Variants in PTPRN2 observed in about 807,000 individuals in gnomAD.
The protein encoded by PTPRN2 is receptor-type tyrosine-protein phosphatase N2.
Under a neutral mutation model 118.8 loss-of-function variants are expected in PTPRN2, and 74 were observed. The ratio of observed to expected loss-of-function variants is 0.62; its 90% CI spans 0.52 to 0.76. The LOEUF (loss-of-function observed/expected upper bound fraction) is 0.76, where lower values mean the gene tolerates loss of function less well. PTPRN2 is among the 30% of genes least tolerant of loss of function. The probability of loss-of-function intolerance (pLI) is 0.00; values close to 1 mark genes in which losing one functional copy is unlikely to be tolerated. For missense variants in PTPRN2, 1,481 were observed against 1,394.4 expected, an observed-to-expected ratio of 1.06 and a Z score of -0.99; for synonymous variants, 641 against 608.0, an observed-to-expected ratio of 1.05 and a Z score of -0.80.
intron 9 of PTPRN2, among the ~76,000 whole-genome samples, chr7:158,112,890 A>C (rs543693012): frequency 2.0e-5 from 3 of 152,232 alleles, no homozygotes; most frequent in African/African-American, 4.8e-5. Context: ...GGGGCAGTGC[A>C]TCATGAATGC....
At chr7:158,393,114 G>A (rs996807057) in intron 2 of PTPRN2, among the ~76,000 whole-genome samples, 7 of 152,110 alleles carry the variant, frequency 4.6e-5, no homozygotes, top group Non-Finnish European at 1.0e-4. Context: ...GGTCTTACTC[G>A]ATGTTGGCTG....
intron 12 of PTPRN2, among the ~76,000 whole-genome samples, chr7:157,697,905 A>G (rs1257860522): frequency 1.1e-4 from 16 of 141,432 alleles, no homozygotes; most frequent in African/African-American, 3.4e-4. Flanking sequence ...AGCCCTCACC[A>G]TCTACTCATG....
In PTPRN2 at chr7:157,559,314, G is replaced by A. The variant is rs912320820; in HGVS notation, c.2902+9588C>T. Among the ~76,000 whole-genome samples the A allele has an allele frequency of 3.9e-5, 6 of 152,184 alleles. No homozygotes were observed. In the East Asian group the frequency reaches 7.7e-4, roughly 20 times the overall value. On this transcript the variant is annotated intron_variant, in intron 21 of 22. Transcript: ENST00000389418. Reference sequence around the variant, plus strand: ...TCTGGACGGAGGATGTTGGGCCTGCGGGCTGGGCAGGGATGATGCTCTGGG... The same window carrying A: ...TCTGGACGGAGGATGTTGGGCCTGCAGGCTGGGCAGGGATGATGCTCTGGG...
intron 6 of PTPRN2, among the ~76,000 whole-genome samples, chr7:158,164,931 G>C (rs1217233028): frequency 6.6e-6 from 1 of 152,150 alleles, no homozygotes; most frequent in Admixed American, 6.5e-5. Context: ...AGCTGGAGGA[G>C]AACAGGAAGC....
chr7:157,898,548 C>T, intron 12 of PTPRN2, 125 bp downstream of exon 12: 2 of 979,298 alleles, frequency 2.0e-6, no homozygotes. Flanking sequence ...GCCCACTGGT[C>T]CTCCCAGGAA....
chr7:158,117,843 G>A (rs1158304508), intron 9 of PTPRN2, among the ~76,000 whole-genome samples: 4 of 151,814 alleles, frequency 2.6e-5, no homozygotes, highest in Non-Finnish European at 5.9e-5. Flanking sequence ...CAAAAGTGAA[G>A]AAGAAATTAA....
chr7:158,275,301 C>G (rs1798886420), intron 3 of PTPRN2, among the ~76,000 whole-genome samples: 1 of 152,148 alleles, frequency 6.6e-6, no homozygotes, highest in Non-Finnish European at 1.5e-5. Flanking sequence ...AGCTGCAGGG[C>G]TGTCTCCATG....
chr7:158,282,585 C>T (rs1373721341), intron 3 of PTPRN2, among the ~76,000 whole-genome samples: 1 of 152,264 alleles, frequency 6.6e-6, no homozygotes, highest in Non-Finnish European at 1.5e-5. Flanking sequence ...GGAGACAGCA[C>T]TGCTGAAGTG....
chr7:158,259,401 C>T (rs1210512303), intron 3 of PTPRN2, among the ~76,000 whole-genome samples: 1 of 152,174 alleles, frequency 6.6e-6, no homozygotes, highest in Non-Finnish European at 1.5e-5. Context: ...TCACAACCCG[C>T]AGCTGCTGCT....
intron 12 of PTPRN2, among the ~76,000 whole-genome samples, chr7:157,788,520 A>G (rs1027750001): frequency 6.6e-6 from 1 of 152,176 alleles, no homozygotes; most frequent in African/African-American, 2.4e-5. Flanking sequence ...ACAGGCCTCC[A>G]CGGGGCTGGA....
intron 2 of PTPRN2, among the ~76,000 whole-genome samples, chr7:158,459,333 C>G (rs970591409): frequency 1.5e-5 from 2 of 131,700 alleles, no homozygotes; most frequent in African/African-American, 5.3e-5. Flanking sequence ...GAGCACCCGC[C>G]TGGGACGAAC....
chr7:158,285,005 G>T (rs1451921512), intron 3 of PTPRN2, among the ~76,000 whole-genome samples: 1 of 152,164 alleles, frequency 6.6e-6, no homozygotes, highest in East Asian at 1.9e-4. Flanking sequence ...GTACAAAAAG[G>T]ATGACAGGAA....
At chr7:158,143,588 A>G (rs73173607) in intron 6 of PTPRN2, among the ~76,000 whole-genome samples, 15,640 of 152,112 alleles carry the variant, frequency 0.1, 899 homozygotes, top group African/African-American at 0.15. Context: ...TTGCTAAGGA[A>G]AGGTCCTTCC....
intron 12 of PTPRN2, among the ~76,000 whole-genome samples, chr7:157,866,638 C>T (rs1311377035): frequency 1.3e-5 from 2 of 152,046 alleles, no homozygotes; most frequent in Non-Finnish European, 2.9e-5. Flanking sequence ...AGCATGAGTG[C>T]CCAGCTCAGG....
intron 2 of PTPRN2, among the ~76,000 whole-genome samples, chr7:158,323,642 C>T (rs143441553): frequency 4.7e-4 from 71 of 152,292 alleles, no homozygotes; most frequent in Middle Eastern, 3.4e-3. Flanking sequence ...AAAAAGAGCT[C>T]ATTTATCTTG....
chr7:157,581,290 A>G (rs1185971315), intron 17 of PTPRN2, among the ~76,000 whole-genome samples: 1 of 152,194 alleles, frequency 6.6e-6, no homozygotes, highest in East Asian at 1.9e-4. Context: ...TTGGAGGAAA[A>G]CTGATACTCC....
In PTPRN2 at chr7:157,974,954, T is replaced by G. The variant is rs1162987850; in HGVS notation, c.1724-76217A>C. Among the ~76,000 whole-genome samples the G allele has an allele frequency of 6.6e-6, 1 of 151,844 alleles. No homozygotes were observed. Among genetic ancestry groups the G allele is most frequent in the East Asian group, 1.9e-4 (1 of 5,158 alleles). ...GAGGACCAGGGTATGGAACAAGCCC[T>G]AGTCAGAAATGCCTCCTGACGCCTG... is the stretch of plus-strand genomic sequence containing the variant. On this transcript the variant is annotated intron_variant, in intron 11 of 22. Coordinates refer to ENST00000389418, the MANE Select transcript of PTPRN2 (RefSeq NM_002847.5). This position sits in a 1 kb window ranked among gnomAD's most constrained non-coding sequence, Gnocchi z 4.0.
intron 11 of PTPRN2, among the ~76,000 whole-genome samples, chr7:158,072,100 A>ATGGAGGTGCTCGTGGTGG (rs1554529042): frequency 5.9e-5 from 7 of 118,280 alleles, no homozygotes; most frequent in Non-Finnish European, 1.1e-4. Context: ...TGCTCGTAGT[A>ATGGAGGTGCTCGTGGTGG]TGGAGGTGCT....
chr7:158,070,655 G>T (rs1811239744), intron 11 of PTPRN2, among the ~76,000 whole-genome samples: 1 of 130,698 alleles, frequency 7.7e-6, no homozygotes, highest in Non-Finnish European at 1.6e-5. Flanking sequence ...CATGGTGGTG[G>T]AGGTGCTCCT....
Sources: gnomAD v4.1 joint callset for allele counts (sites outside exome capture counted in the v4.1 genomes callset) on GRCh38, gnomAD v4.1.1 for gene constraint, Gnocchi (gnomAD v3.1) non-coding constraint, MANE v1.5 for transcripts, NCBI Gene and HGNC (gene_info 2026-07-23, HGNC 2026-07-21) for gene names.